Variants in PREX2 observed in about 807,000 individuals in gnomAD.
The protein encoded by PREX2 is phosphatidylinositol-3,4,5-trisphosphate dependent Rac exchange factor 2.
Under a neutral mutation model 203.2 loss-of-function variants are expected in PREX2, and 107 were observed. That is an observed-to-expected ratio of 0.53 (90% confidence interval 0.45 to 0.62). PREX2 has a LOEUF of 0.62. Ranked by LOEUF, PREX2 falls within the 20% of genes least tolerant of loss-of-function variation. The probability of loss-of-function intolerance (pLI) is 0.00; values close to 1 mark genes in which losing one functional copy is unlikely to be tolerated. For synonymous variants in PREX2, 672 were observed against 663.6 expected (o/e 1.01, Z -0.19); for missense variants, 1,777 against 1,955.9 (o/e 0.91, Z 1.72).
At chr8:68,206,216 G>A in intron 37 of PREX2, among the ~76,000 whole-genome samples, 1 of 152,130 alleles carries the variant, frequency 6.6e-6, no homozygotes, top group East Asian at 1.9e-4. Flanking sequence ...GGGACTTATC[G>A]GTGAAATGGG....
chr8:67,986,429 A>G (rs970233914), intron 1 of PREX2, among the ~76,000 whole-genome samples: 3 of 152,214 alleles, frequency 2.0e-5, no homozygotes, highest in African/African-American at 7.2e-5. Context: ...TGCTCCATCC[A>G]TGCAGGCATC....
chr8:68,210,443 A>G (rs1025514437), intron 37 of PREX2, among the ~76,000 whole-genome samples: 24 of 152,190 alleles, frequency 1.6e-4, no homozygotes, highest in African/African-American at 5.8e-4. Flanking sequence ...ATGATTGGCT[A>G]CCAAGCAAAA....
At chr8:68,107,841 C>T (rs1024987886) in intron 23 of PREX2, among the ~76,000 whole-genome samples, 1 of 152,196 alleles carries the variant, frequency 6.6e-6, no homozygotes, top group Non-Finnish European at 1.5e-5. Context: ...GTGCTGGCCA[C>T]AGAAATTCAT....
chr8:68,204,678 CTTTTTTTTTTTTT>C (rs1192583427), intron 37 of PREX2, among the ~76,000 whole-genome samples: 1 of 83,426 alleles, frequency 1.2e-5, no homozygotes, highest in East Asian at 4.3e-4. Context: ...TTTCTTCTTT[CTTTTTTTTTTTTT>C]TTTTTTTTTT....
rs909101602 is a variant in PREX2, at chr8:68,088,284, G to A, written c.2113+475G>A. 2.6e-5 allele frequency among the ~76,000 whole-genome samples: 4 copies of A among 152,194 alleles called. No homozygotes were observed. The East Asian group carries it at 7.7e-4, about 29-fold the overall frequency. On this transcript the variant is annotated intron_variant, in intron 19 of 39. Transcript: ENST00000288368. The stretch of plus-strand genomic sequence containing the variant: ...ATTCAATAATTTTAGTGACTAAAAA[G>A]TTATGTTTACACTTATTCTTTTTTG...
At chr8:68,034,641 G>A (rs1401419747) in intron 6 of PREX2, among the ~76,000 whole-genome samples, 1 of 152,100 alleles carries the variant, frequency 6.6e-6, no homozygotes, top group African/African-American at 2.4e-5. Flanking sequence ...AAAGAAATTG[G>A]ACATTTCTTT....
intron 1 of PREX2, among the ~76,000 whole-genome samples, chr8:67,996,960 C>A (rs1369497737): frequency 6.6e-6 from 1 of 152,044 alleles, no homozygotes; most frequent in African/African-American, 2.4e-5. Flanking sequence ...ATGATTTTTG[C>A]CATTACTTTT....
At chr8:67,996,763 T>C (rs1382187478) in intron 1 of PREX2, among the ~76,000 whole-genome samples, 1 of 152,190 alleles carries the variant, frequency 6.6e-6, no homozygotes, top group East Asian at 1.9e-4. Flanking sequence ...AAGTTCTCTA[T>C]TTCTACCTTA....
intron 1 of PREX2, among the ~76,000 whole-genome samples, chr8:67,984,400 C>T (rs975798452): frequency 3.9e-5 from 6 of 152,282 alleles, no homozygotes; most frequent in African/African-American, 1.4e-4. Context: ...CAGGAAAGCA[C>T]TTTATCACTT....
intron 1 of PREX2, among the ~76,000 whole-genome samples, chr8:67,980,754 C>G (rs1242280241): frequency 2.0e-5 from 3 of 152,178 alleles, no homozygotes; most frequent in South Asian, 2.1e-4. Flanking sequence ...AGGGGCTTCC[C>G]CCTTTGTTTC....
chr8:67,985,516 C>G (rs911946439), intron 1 of PREX2, among the ~76,000 whole-genome samples: 1 of 152,064 alleles, frequency 6.6e-6, no homozygotes, highest in African/African-American at 2.4e-5. Context: ...TCTCTTTGGT[C>G]TAAATGTCAA....
chr8:68,091,509 C>T (rs886686302), intron 20 of PREX2, among the ~76,000 whole-genome samples: 5 of 152,150 alleles, frequency 3.3e-5, no homozygotes, highest in African/African-American at 1.2e-4. Context: ...GCAACTATGT[C>T]CAAACCTGGA....
rs1476047035 is a variant in PREX2 at position 68,072,562 on chromosome 8, A to G, written c.1561A>G (p.Ile521Val). The change falls in exon 14 of 40, where the codon ATT (isoleucine) becomes GTT (valine). Residue 521 changes from isoleucine to valine, a missense_variant. Coordinates refer to ENST00000288368, the MANE Select transcript of PREX2 (RefSeq NM_024870.4). ...GGCCAACAAACTGATAGACTGGTTAATTGCACAGGTAAATAGACAAATAGA... is the reference window on the plus strand; with the variant it reads ...GGCCAACAAACTGATAGACTGGTTAGTTGCACAGGTAAATAGACAAATAGA... ...VMANKLIDWL[I>V]AQGDCRTREE... 6.4e-7 allele frequency: 1 copy of G among 1,573,822 alleles called. No individual in the cohort carries two copies. Among genetic ancestry groups the G allele is most frequent in the African/African-American group, 1.3e-5 (1 of 74,094 alleles).
At chr8:68,033,142 C>T (rs2129610579) in intron 6 of PREX2, among the ~76,000 whole-genome samples, 1 of 152,186 alleles carries the variant, frequency 6.6e-6, no homozygotes, top group Middle Eastern at 3.4e-3. Flanking sequence ...ATGTGCCTAT[C>T]TAGTATTTTG....
chr8:68,053,107 T>C lies in PREX2; in HGVS notation c.954T>C (p.His318=), dbSNP rs140987715. 137 of 1,612,296 alleles carry C rather than the reference T, an allele frequency of 8.5e-5. No individual in the cohort carries two copies. In the African/African-American group the frequency reaches 1.6e-3, roughly 18 times the overall value. The change falls in exon 9 of 40, where the codon CAT becomes CAC. Residue 318 remains histidine (H), a synonymous_variant. Coordinates refer to ENST00000288368, the MANE Select transcript of PREX2 (RefSeq NM_024870.4). ...ENVDDGTADF[H]SSGHIVVNGW... ...CCCATTAATTTACAGCTGATTTCCA[T>C]AGCAGTGGACACATTGTTGTTAATG... is the stretch of plus-strand genomic sequence containing the variant.
intron 35 of PREX2, 34 bp downstream of exon 35, chr8:68,157,470 T>C (rs1811563561): frequency 1.8e-6 from 2 of 1,136,124 alleles, no homozygotes; most frequent in Non-Finnish European, 2.6e-6. Context: ...ATAATGAGTG[T>C]CTATATTTTG....
intron 1 of PREX2, among the ~76,000 whole-genome samples, chr8:67,975,463 A>T (rs1281340759): frequency 6.6e-6 from 1 of 151,814 alleles, no homozygotes; most frequent in East Asian, 1.9e-4. Context: ...CATGCTTTTA[A>T]AGTGAAACAA....
At chr8:68,020,303 A>G (rs955185882) in intron 3 of PREX2, among the ~76,000 whole-genome samples, 12 of 147,728 alleles carry the variant, frequency 8.1e-5, no homozygotes, top group African/African-American at 2.8e-4. Context: ...TGTAATGAAA[A>G]TTGTTTTCAG....
At chr8:67,966,110 C>T (rs1323693897) in intron 1 of PREX2, among the ~76,000 whole-genome samples, 1 of 152,062 alleles carries the variant, frequency 6.6e-6, no homozygotes, top group East Asian at 1.9e-4. Flanking sequence ...TAGTACTTGA[C>T]TGGATCTTCA....
Sources: allele counts gnomAD v4.1 joint callset (sites outside exome capture counted in the v4.1 genomes callset), GRCh38; gene constraint gnomAD v4.1.1; transcripts MANE v1.5; gene names NCBI Gene and HGNC (gene_info 2026-07-23, HGNC 2026-07-21).